CACNG8: variants seen among roughly 807,000 people sequenced by gnomAD.
The protein encoded by CACNG8 is calcium voltage-gated channel auxiliary subunit gamma 8.
CACNG8 carries 5 observed loss-of-function variants against 26.9 expected under a neutral mutation model. That is an observed-to-expected ratio of 0.19 (90% CI 0.10 to 0.39). The LOEUF (loss-of-function observed/expected upper bound fraction) is 0.39. Among genes scored for constraint, CACNG8 ranks in the 10% least tolerant of loss-of-function variants. The pLI, the probability that CACNG8 is intolerant of heterozygous loss-of-function variation, is 1.00. For missense variants in CACNG8, 473 were observed against 609.4 expected, an observed-to-expected ratio of 0.78 and a Z score of 2.36; for synonymous variants, 321 against 296.7, an observed-to-expected ratio of 1.08 and a Z score of -0.84.
intron 3 of CACNG8, among the ~76,000 whole-genome samples, chr19:53,981,264 A>G (rs2069366042): frequency 6.6e-6 from 1 of 152,162 alleles, no homozygotes; most frequent in African/African-American, 2.4e-5. Flanking sequence ...ACCCAGGTTT[A>G]TAACGTTAAG....
At chr19:53,981,728 C>T (rs1275849587) in intron 3 of CACNG8, among the ~76,000 whole-genome samples, 1 of 151,924 alleles carries the variant, frequency 6.6e-6, no homozygotes, top group Non-Finnish European at 1.5e-5. Flanking sequence ...ATGATGCAGT[C>T]TGGACCATTG....
rs1350581751 is a variant in CACNG8 at position 53,986,551 on chromosome 19, CA to C, written c.*3704del. The C allele has an allele frequency of 6.6e-6, 1 of 152,166 alleles. No individual in the cohort carries two copies. Among genetic ancestry groups the C allele is most frequent in the Non-Finnish European group, 1.5e-5 (1 of 68,060 alleles). 9.4% of individuals were successfully genotyped at this position (152,166 alleles called of 1,614,324 possible). A position where few individuals can be genotyped will look rare whatever the true frequency, so the allele number is the denominator to read the frequency against. ...GTCAGGAGTTCGAGACCAGCCTGGT[CA>C]ACATGGTGAAACTTCATCTCTACCA... On this transcript the variant is annotated 3_prime_UTR_variant, in exon 4 of 4. Transcript: ENST00000270458.
At position 53,989,448 on chromosome 19, in the gene CACNG8, A is replaced by G. The variant is rs1240969283; in HGVS notation, c.*6599A>G. 6.5e-6 allele frequency: 1 copy of G among 152,792 alleles called. No homozygotes were observed. Among genetic ancestry groups the G allele is most frequent in the African/African-American group, 2.4e-5 (1 of 41,446 alleles). The allele number at this position is 152,792 out of a possible 1,614,324, so 9.5% of individuals were successfully genotyped here. On this transcript the variant is annotated 3_prime_UTR_variant, in exon 4 of 4. Coordinates refer to ENST00000270458, the MANE Select transcript of CACNG8 (RefSeq NM_031895.6). ...GCCGGAGAAAGACCCAGAGATTCGC[A>G]TAGAAAGCAACGTGGAGACTCAGAA... is the stretch of plus-strand genomic sequence containing the variant.
intron 2 of CACNG8, 41 bp from the exon 3 acceptor site, chr19:53,979,826 C>T (rs1191600474): frequency 1.3e-6 from 2 of 1,543,286 alleles, no homozygotes; most frequent in Admixed American, 3.8e-5. Flanking sequence ...CGTCTGACCG[C>T]CCTCGCTCTC....
rs185117958 is a variant in CACNG8, at chr19:53,973,172, A to G, written c.284-4974A>G. 4.3e-4 allele frequency among the ~76,000 whole-genome samples: 65 copies of G among 152,344 alleles called. 1 individual carries two copies. In the East Asian group the frequency reaches 0.012, roughly 28 times the overall value. On this transcript the variant is annotated intron_variant, in intron 1 of 3. Transcript: ENST00000270458. The stretch of plus-strand genomic sequence containing the variant: ...GGTGTGCCATGTGGTTTACATGCTC[A>G]GTCTCATTTAATCATCACGAATATT...
chr19:53,978,780 G>A, intron 2 of CACNG8, among the ~76,000 whole-genome samples: 1 of 145,970 alleles, frequency 6.9e-6, no homozygotes, highest in Non-Finnish European at 1.5e-5. Flanking sequence ...GGGGCGGGGA[G>A]TGGGGGCGGG....
At chr19:53,978,491 G>C (rs1411106069) in intron 2 of CACNG8, among the ~76,000 whole-genome samples, 1 of 152,032 alleles carries the variant, frequency 6.6e-6, no homozygotes, top group African/African-American at 2.4e-5. Context: ...TGCTCTCTTT[G>C]GCCCTCGCGG....
Position 53,988,304 on chromosome 19 carries a change from G to GTA in CACNG8, c.*5456_*5457dup, listed in dbSNP as rs1212192863. 6.8e-6 allele frequency: 1 copy of GTA among 146,548 alleles called. No homozygotes were observed. Among genetic ancestry groups the GTA allele is most frequent in the East Asian group, 2.0e-4 (1 of 5,014 alleles). The allele number at this position is 146,548 out of a possible 1,614,324, so 9.1% of individuals were successfully genotyped here. On this transcript the variant is annotated 3_prime_UTR_variant, in exon 4 of 4. Transcript: ENST00000270458. ...TGTGTGTGTGTGTGTGTGTGTGTGT[G>GTA]TAACTGACACAAAGGCCAGGTGCGA...
chr19:53,979,669 T>C (rs1247204770), intron 2 of CACNG8, among the ~76,000 whole-genome samples, 198 bp from the exon 3 acceptor site: 1 of 149,204 alleles, frequency 6.7e-6, no homozygotes. Flanking sequence ...GGAGAGAAAA[T>C]CAGACCGAGA....
At chr19:53,966,084 TTTATTTA>T (rs201510636) in intron 1 of CACNG8, among the ~76,000 whole-genome samples, 8,375 of 151,772 alleles carry the variant, frequency 0.055, 271 homozygotes, top group African/African-American at 0.078. Context: ...TTAAAAATTA[TTTATTTA>T]TTTATTTATT....
chr19:53,982,920 G>A lies in CACNG8; in HGVS notation c.*71G>A, dbSNP rs1436342631. 1.9e-6 allele frequency: 2 copies of A among 1,070,048 alleles called. No homozygotes were observed. Among genetic ancestry groups the A allele is most frequent in the African/African-American group, 1.7e-5 (1 of 59,092 alleles). The allele number at this position is 1,070,048 out of a possible 1,614,324, so 66.3% of individuals were successfully genotyped here. ...GGCGCGCGTGCATCGAGGCTGCCGGGGTCGGGGGCGCCCCCGCTTTCCCCC... is the reference window on the plus strand; with the variant it reads ...GGCGCGCGTGCATCGAGGCTGCCGGAGTCGGGGGCGCCCCCGCTTTCCCCC... On this transcript the variant is annotated 3_prime_UTR_variant, in exon 4 of 4. Transcript: ENST00000270458. The surrounding 1 kb of genome is among the most constrained non-coding windows in gnomAD (Gnocchi z 8.4).
At chr19:53,972,653 C>T (rs534603550) in intron 1 of CACNG8, among the ~76,000 whole-genome samples, 1 of 152,128 alleles carries the variant, frequency 6.6e-6, no homozygotes, top group African/African-American at 2.4e-5. Context: ...TGAGCCACCG[C>T]GCCTGGGCTT....
intron 1 of CACNG8, among the ~76,000 whole-genome samples, chr19:53,964,901 C>G (rs2069263748): frequency 2.0e-5 from 3 of 152,180 alleles, no homozygotes; most frequent in Admixed American, 1.3e-4. Context: ...ATCCTGATGC[C>G]CCCTTCGGCC....
Position 53,963,316 on chromosome 19 carries a change from G to A in CACNG8, c.174G>A (p.Thr58=), listed in dbSNP as rs756488946. 13 of 1,603,000 alleles carry A rather than the reference G, an allele frequency of 8.1e-6. No individual in the cohort carries two copies. The highest frequency in any genetic ancestry group is 1.7e-5 in the Admixed American group (1 of 59,702). Residue 58 remains threonine (T), a synonymous_variant, in exon 1 of 4, where the codon ACG becomes ACA. Transcript: ENST00000270458. ...TCATCTGCAACACCACCAACCTCACGGCCGGCGGCGACGACGGGACCCCCC... is the reference window on the plus strand; with the variant it reads ...TCATCTGCAACACCACCAACCTCACAGCCGGCGGCGACGACGGGACCCCCC...
intron 3 of CACNG8, 56 bp downstream of exon 3, chr19:53,980,063 T>C: frequency 2.1e-6 from 2 of 957,676 alleles, no homozygotes. Flanking sequence ...CGCACGTGTG[T>C]GTGTGTGTGT....
chr19:53,972,819 AT>A (rs1480039520), intron 1 of CACNG8, among the ~76,000 whole-genome samples: 1 of 152,164 alleles, frequency 6.6e-6, no homozygotes, highest in Non-Finnish European at 1.5e-5. Flanking sequence ...AGAGAGTTGG[AT>A]TCCAGAGCCC....
At position 53,982,706 on chromosome 19, in the gene CACNG8, G is replaced by A; in HGVS notation, c.1135G>A (p.Gly379Ser). ...CGCCTTCCCCAAGGAGGCGGGCGGC[G>A]GCGTCACGGTCACGGTCACCGGGCC... Residue 379 changes from glycine to serine, a missense_variant, in exon 4 of 4, where the codon GGC becomes AGC. Physicochemically the swap from Gly to Ser is moderately conservative, Grantham distance 56 (BLOSUM62 0). Transcript: ENST00000270458. This position sits in a 1 kb window ranked among gnomAD's most constrained non-coding sequence, Gnocchi z 8.4. 3 of 1,153,000 alleles carry A rather than the reference G, an allele frequency of 2.6e-6. No homozygotes were observed. The highest frequency in any genetic ancestry group is 3.2e-6 in the Non-Finnish European group (3 of 942,606). 71.4% of individuals were successfully genotyped at this position (1,153,000 alleles called of 1,614,324 possible).
At chr19:53,964,167 T>A (rs2145931561) in intron 1 of CACNG8, among the ~76,000 whole-genome samples, 2 of 151,806 alleles carry the variant, frequency 1.3e-5, no homozygotes, top group East Asian at 3.9e-4. Flanking sequence ...CCCCTTCATT[T>A]CCTCTCCCTC....
In CACNG8 at chr19:53,982,908, C is replaced by T; in HGVS notation, c.*59C>T. On this transcript the variant is annotated 3_prime_UTR_variant, in exon 4 of 4. Coordinates refer to ENST00000270458, the MANE Select transcript of CACNG8 (RefSeq NM_031895.6). The surrounding 1 kb of genome is among the most constrained non-coding windows in gnomAD (Gnocchi z 8.4). ...GGCGCGTGCGCGGGCGCGCGTGCAT[C>T]GAGGCTGCCGGGGTCGGGGGCGCCC... 1 of 1,147,332 alleles carries T rather than the reference C, an allele frequency of 8.7e-7. No homozygotes were observed. Among genetic ancestry groups the T allele is most frequent in the Non-Finnish European group, 1.1e-6 (1 of 922,998 alleles). 71.1% of individuals were successfully genotyped at this position (1,147,332 alleles called of 1,614,324 possible).
Sources: gnomAD v4.1 joint callset for allele counts (sites outside exome capture counted in the v4.1 genomes callset) on GRCh38, gnomAD v4.1.1 for gene constraint, Gnocchi (gnomAD v3.1) non-coding constraint, MANE v1.5 for transcripts, NCBI Gene and HGNC (gene_info 2026-07-23, HGNC 2026-07-21) for gene names.